KCNJ6: variants seen among roughly 807,000 people sequenced by gnomAD.
KCNJ6 encodes the protein G protein-activated inward rectifier potassium channel 2.
A neutral mutation model predicts 34.2 loss-of-function variants in KCNJ6; 9 were observed. That is an observed-to-expected ratio of 0.26 (90% confidence interval 0.16 to 0.46). KCNJ6 has a LOEUF of 0.46. KCNJ6 is among the 20% of genes least tolerant of loss of function. KCNJ6 has a pLI of 1.00. For synonymous variants in KCNJ6, 196 were observed against 207.1 expected (o/e 0.95, Z 0.46); for missense variants, 236 against 531.3 (o/e 0.44, Z 5.46).
At chr21:37,722,951 T>G (rs1286688596) in intron 2 of KCNJ6, among the ~76,000 whole-genome samples, 2 of 152,070 alleles carry the variant, frequency 1.3e-5, no homozygotes, top group African/African-American at 4.8e-5. Flanking sequence ...CTAATTAAAC[T>G]AAAGAGCCTC....
chr21:37,661,828 C>T (rs1324287572), intron 3 of KCNJ6, among the ~76,000 whole-genome samples: 2 of 151,302 alleles, frequency 1.3e-5, no homozygotes, highest in Non-Finnish European at 2.9e-5. Context: ...CGGGGTTTCA[C>T]CGTGTTAGTT....
At chr21:37,787,295 G>T (rs1340270360) in intron 2 of KCNJ6, among the ~76,000 whole-genome samples, 1 of 152,172 alleles carries the variant, frequency 6.6e-6, no homozygotes, top group African/African-American at 2.4e-5. Flanking sequence ...TGAAGGAACT[G>T]GGGGTAGAGG....
intron 3 of KCNJ6, among the ~76,000 whole-genome samples, chr21:37,636,538 C>T (rs2054358909): frequency 6.6e-6 from 1 of 152,194 alleles, no homozygotes; most frequent in African/African-American, 2.4e-5. Flanking sequence ...AACAACCTGT[C>T]TTTGGGTGGC....
At chr21:37,880,437 C>G (rs2055701901) in intron 1 of KCNJ6, among the ~76,000 whole-genome samples, 2 of 152,222 alleles carry the variant, frequency 1.3e-5, no homozygotes, top group Admixed American at 1.3e-4. Context: ...GGCTATGGGC[C>G]AAACTCACTA....
intron 2 of KCNJ6, among the ~76,000 whole-genome samples, chr21:37,787,100 C>T (rs986353539): frequency 6.6e-6 from 1 of 152,076 alleles, no homozygotes; most frequent in Non-Finnish European, 1.5e-5. Context: ...TCTCTTTTGT[C>T]CTCTGAATTC....
chr21:37,695,316 T>C lies in KCNJ6; in HGVS notation c.946+18895A>G, dbSNP rs2054659154. Among the ~76,000 whole-genome samples the C allele has an allele frequency of 6.6e-6, 1 of 152,224 alleles. No individual in the cohort carries two copies. Among genetic ancestry groups the C allele is most frequent in the South Asian group, 2.1e-4 (1 of 4,830 alleles). On this transcript the variant is annotated intron_variant, in intron 3 of 3. Transcript: ENST00000609713. This position sits in a 1 kb window ranked among gnomAD's most constrained non-coding sequence, Gnocchi z 4.2. ...GCAAAAGTCCAACTATTCTTAGTGC[T>C]GTGACATGAAGAAATTTCCCCAGAG...
At chr21:37,709,348 C>T (rs1360900190) in intron 3 of KCNJ6, among the ~76,000 whole-genome samples, 1 of 151,928 alleles carries the variant, frequency 6.6e-6, no homozygotes, top group African/African-American at 2.4e-5. Flanking sequence ...CCCATCTCTA[C>T]TAAAATTACA....
rs1381305472 is a variant in KCNJ6 at position 37,625,174 on chromosome 21, A to AT, written c.1256dup (p.Asn419LysfsTer2). Reference sequence around the variant, plus strand: ...AGCTAGGGCACTAAACTTTGGATTCATTCTCCAGGTTTGCCACATCACCAT... The same window carrying AT: ...AGCTAGGGCACTAAACTTTGGATTCATTTCTCCAGGTTTGCCACATCACCAT... On this transcript the variant is annotated frameshift_variant, in exon 4 of 4. Coordinates refer to ENST00000609713, the MANE Select transcript of KCNJ6 (RefSeq NM_002240.5). LOFTEE classifies it high-confidence loss of function. The AT allele has an allele frequency of 6.2e-7, 1 of 1,613,536 alleles. No homozygotes were observed. The highest frequency in any genetic ancestry group is 8.5e-7 in the Non-Finnish European group (1 of 1,179,622).
intron 3 of KCNJ6, among the ~76,000 whole-genome samples, chr21:37,700,349 G>A (rs922362663): frequency 6.6e-6 from 1 of 152,210 alleles, no homozygotes; most frequent in Non-Finnish European, 1.5e-5. Context: ...GGCCAGGGTT[G>A]AAATAATCCA....
chr21:37,866,194 G>C (rs1362286930), intron 1 of KCNJ6, among the ~76,000 whole-genome samples: 3 of 152,064 alleles, frequency 2.0e-5, no homozygotes, highest in Non-Finnish European at 2.9e-5. Context: ...TTCAGTTCCT[G>C]CCTGAGAGCT....
At chr21:37,683,818 G>A (rs1787410) in intron 3 of KCNJ6, among the ~76,000 whole-genome samples, 134,285 of 152,092 alleles carry the variant, frequency 0.88, 60,044 homozygotes, top group Non-Finnish European at 0.95. Flanking sequence ...GAGCAATTAT[G>A]TGAAGTGGCA....
At chr21:37,712,816 C>A (rs536751377) in intron 3 of KCNJ6, among the ~76,000 whole-genome samples, 2 of 149,280 alleles carry the variant, frequency 1.3e-5, no homozygotes, top group Non-Finnish European at 3.0e-5. Context: ...TCCTCCCCAC[C>A]CAACTATTGC....
Position 37,622,207 on chromosome 21 carries a change from G to A in KCNJ6, c.*2952C>T, listed in dbSNP as rs1231201136. On this transcript the variant is annotated 3_prime_UTR_variant, in exon 4 of 4. Coordinates refer to ENST00000609713, the MANE Select transcript of KCNJ6 (RefSeq NM_002240.5). ...TTAACCAAACAGACCAAAGGATCTA[G>A]TTGAGAGTGATCTTCATTAGTTATG... 6.6e-6 allele frequency: 1 copy of A among 152,198 alleles called. No individual in the cohort carries two copies. Among genetic ancestry groups the A allele is most frequent in the Non-Finnish European group, 1.5e-5 (1 of 68,032 alleles). The allele number at this position is 152,198 out of a possible 1,614,324, so 9.4% of individuals were successfully genotyped here. A position where few individuals can be genotyped will look rare whatever the true frequency, so the allele number is the denominator to read the frequency against.
intron 3 of KCNJ6, among the ~76,000 whole-genome samples, chr21:37,642,364 C>T (rs1280963072): frequency 6.6e-6 from 1 of 152,040 alleles, no homozygotes; most frequent in Non-Finnish European, 1.5e-5. Context: ...GTAGAAGATC[C>T]GGAGAGCAAA....
chr21:37,857,725 A>G (rs1415628571), intron 1 of KCNJ6, among the ~76,000 whole-genome samples: 2 of 152,240 alleles, frequency 1.3e-5, no homozygotes, highest in Middle Eastern at 3.2e-3. Context: ...CCCCTGTTTC[A>G]TGAGGAGCCA....
In KCNJ6 at chr21:37,916,308, G is replaced by GA. The variant is rs915864769; in HGVS notation, c.-453dup. ...GTGGGGAAAGATAAGAGTGGCAGAA[G>GA]AAAAAAAAAATCCCCGGTTAGGAGA... On this transcript the variant is annotated 5_prime_UTR_variant, in exon 1 of 4. It removes the in-frame stop codon of an upstream open reading frame in the 5' UTR. Transcript: ENST00000609713. The GA allele has an allele frequency of 1.8e-4, 27 of 150,076 alleles. No homozygotes were observed. Among genetic ancestry groups the GA allele is most frequent in the African/African-American group, 2.7e-4 (11 of 40,918 alleles). 9.3% of individuals were successfully genotyped at this position (150,076 alleles called of 1,614,324 possible).
chr21:37,856,166 T>C (rs1408851060), intron 1 of KCNJ6, among the ~76,000 whole-genome samples: 2 of 152,178 alleles, frequency 1.3e-5, no homozygotes, highest in African/African-American at 2.4e-5. Context: ...TTCCGGAAGC[T>C]CTTCAGATTC....
At chr21:37,653,050 G>T (rs2054440958) in intron 3 of KCNJ6, among the ~76,000 whole-genome samples, 2 of 152,148 alleles carry the variant, frequency 1.3e-5, no homozygotes, top group Admixed American at 1.3e-4. Flanking sequence ...ATGCTCATCT[G>T]CCCGTGTGTG....
chr21:37,886,249 T>C (rs1601517273), intron 1 of KCNJ6, among the ~76,000 whole-genome samples: 1 of 152,324 alleles, frequency 6.6e-6, no homozygotes, highest in Middle Eastern at 3.4e-3. Flanking sequence ...CAAGTTAACC[T>C]AACTCTGCAC....
Sources: allele counts gnomAD v4.1 joint callset (sites outside exome capture counted in the v4.1 genomes callset), GRCh38; gene constraint gnomAD v4.1.1; non-coding constraint Gnocchi (gnomAD v3.1); transcripts MANE v1.5; gene names NCBI Gene and HGNC (gene_info 2026-07-23, HGNC 2026-07-21).